Variants in KMT2C observed in about 807,000 individuals in gnomAD.
KMT2C encodes the protein histone-lysine N-methyltransferase 2C.
A neutral mutation model predicts 507.9 loss-of-function variants in KMT2C; 88 were observed. That is an observed-to-expected ratio of 0.17 (90% CI 0.15 to 0.21). The LOEUF (loss-of-function observed/expected upper bound fraction) is 0.21. Among genes scored for constraint, KMT2C ranks in the 10% least tolerant of loss-of-function variants. The probability of loss-of-function intolerance (pLI) is 1.00; values close to 1 mark genes in which losing one functional copy is unlikely to be tolerated. For synonymous variants in KMT2C, 2,049 were observed against 2,080.8 expected, an observed-to-expected ratio of 0.98 and a Z score of 0.42; for missense variants, 4,954 against 5,957.8, an observed-to-expected ratio of 0.83 and a Z score of 5.55.
At position 152,222,037 on chromosome 7, in the gene KMT2C, G is replaced by C. The variant is rs2129146604; in HGVS notation, c.3463C>G (p.Leu1155Val). ...ACTTTTGTGACAATTTGTGCTACAA[G>C]TGAAGATTCACAGCAGTCTGAGGAA... ...VPSSDCCESSLVAQIVTKVKE... is the reference protein window; with the variant it reads ...VPSSDCCESSVVAQIVTKVKE... The change falls in exon 22 of 59, where the codon CTT (leucine) becomes GTT (valine). Residue 1155 changes from leucine to valine, a missense_variant. Physicochemically the swap from Leu to Val is conservative, Grantham distance 32. Around this residue, in one of 29 missense-constraint regions of KMT2C, gnomAD observed 176 missense variants for 262.0 expected, o/e 0.67. Transcript: ENST00000262189. 6.2e-7 allele frequency: 1 copy of C among 1,604,078 alleles called. No individual in the cohort carries two copies. The highest frequency in any genetic ancestry group is 8.5e-7 in the Non-Finnish European group (1 of 1,176,040).
At chr7:152,210,366 A>G (rs1307782432) in intron 23 of KMT2C, among the ~76,000 whole-genome samples, 2 of 152,216 alleles carry the variant, frequency 1.3e-5, no homozygotes, top group African/African-American at 4.8e-5. Flanking sequence ...AAAAATAAAA[A>G]TACTATCTAT....
chr7:152,218,869 T>G (rs1162983124), intron 23 of KMT2C, among the ~76,000 whole-genome samples: 1 of 152,164 alleles, frequency 6.6e-6, no homozygotes, highest in Admixed American at 6.6e-5. Context: ...GATGCTCTTC[T>G]CTCAGGTAAT....
chr7:152,376,980 T>G (rs2097333265), intron 1 of KMT2C, among the ~76,000 whole-genome samples: 1 of 151,522 alleles, frequency 6.6e-6, no homozygotes. Context: ...AGCCCAGGAG[T>G]TCAAGGCCAG....
intron 6 of KMT2C, among the ~76,000 whole-genome samples, chr7:152,301,367 G>A (rs1314627364): frequency 6.6e-6 from 1 of 151,678 alleles, no homozygotes; most frequent in African/African-American, 2.4e-5. Context: ...ATATTCGCTG[G>A]GCATGGTGGT....
At chr7:152,284,364 CT>C (rs2096264988) in intron 6 of KMT2C, among the ~76,000 whole-genome samples, 1 of 152,034 alleles carries the variant, frequency 6.6e-6, no homozygotes, top group African/African-American at 2.4e-5. Context: ...AATAAATAGT[CT>C]TTTAGAATGA....
At chr7:152,413,410 G>A (rs1735710932) in intron 1 of KMT2C, among the ~76,000 whole-genome samples, 1 of 152,030 alleles carries the variant, frequency 6.6e-6, no homozygotes, top group South Asian at 2.1e-4. Flanking sequence ...ACTGCGCCCA[G>A]CCACAAAATT....
At chr7:152,373,835 G>C (rs1295629971) in intron 1 of KMT2C, among the ~76,000 whole-genome samples, 1 of 152,024 alleles carries the variant, frequency 6.6e-6, no homozygotes, top group Non-Finnish European at 1.5e-5. Flanking sequence ...CTCTACTTAT[G>C]AACATAAAGG....
intron 1 of KMT2C, among the ~76,000 whole-genome samples, chr7:152,375,265 C>T (rs2097319672): frequency 6.6e-6 from 1 of 152,058 alleles, no homozygotes; most frequent in African/African-American, 2.4e-5. Flanking sequence ...TGGTCTCAAA[C>T]TCCTGACCTC....
Position 152,188,558 on chromosome 7 carries a change from C to A in KMT2C, c.4661-711G>T, listed in dbSNP as rs564850439. On this transcript the variant is annotated intron_variant, in intron 31 of 58. Transcript: ENST00000262189. Reference sequence around the variant, plus strand: ...AAACAGATGTTTCTTATATTTTATTCCTGTTCCTCTTAATACCAAAAAAAA... The same window carrying A: ...AAACAGATGTTTCTTATATTTTATTACTGTTCCTCTTAATACCAAAAAAAA... Among the ~76,000 whole-genome samples, 6 of 146,996 alleles carry A rather than the reference C, an allele frequency of 4.1e-5. No homozygotes were observed. In the East Asian group the frequency reaches 9.8e-4, roughly 24 times the overall value.
At chr7:152,278,468 G>A (rs2096131510) in intron 6 of KMT2C, among the ~76,000 whole-genome samples, 1 of 152,238 alleles carries the variant, frequency 6.6e-6, no homozygotes, top group Non-Finnish European at 1.5e-5. Flanking sequence ...ACTTCTTGAA[G>A]CCCTCACCAG....
At chr7:152,190,637 A>C (rs1361921869) in intron 31 of KMT2C, among the ~76,000 whole-genome samples, 1 of 152,100 alleles carries the variant, frequency 6.6e-6, no homozygotes, top group African/African-American at 2.4e-5. Context: ...TAGTCATATT[A>C]GTTTATAAAA....
intron 16 of KMT2C, among the ~76,000 whole-genome samples, chr7:152,233,932 C>A (rs1391510435): frequency 6.6e-6 from 1 of 152,026 alleles, no homozygotes; most frequent in Non-Finnish European, 1.5e-5. Context: ...GCCAGGAGTT[C>A]GAGACCAGCC....
intron 9 of KMT2C, among the ~76,000 whole-genome samples, chr7:152,261,608 G>A (rs1412439546): frequency 1.3e-5 from 2 of 151,934 alleles, no homozygotes; most frequent in East Asian, 1.9e-4. Flanking sequence ...AAAGATATTC[G>A]GTAAGGTATA....
chr7:152,320,919 A>C (rs183704142), intron 3 of KMT2C, among the ~76,000 whole-genome samples: 7 of 152,128 alleles, frequency 4.6e-5, no homozygotes, highest in Admixed American at 3.9e-4. Flanking sequence ...TAAAACTAAA[A>C]ATGTATAATA....
chr7:152,221,265 C>CT (rs2094760966), intron 22 of KMT2C, among the ~76,000 whole-genome samples: 1 of 152,114 alleles, frequency 6.6e-6, no homozygotes. Context: ...TCAAAAAAGT[C>CT]TTCCTGGAAT....
At chr7:152,268,067 G>T (rs1436420715) in intron 7 of KMT2C, among the ~76,000 whole-genome samples, 7 of 151,698 alleles carry the variant, frequency 4.6e-5, no homozygotes, top group Admixed American at 2.6e-4. Flanking sequence ...ATCACTTGAG[G>T]TCAGGAGCTC....
chr7:152,399,699 C>T (rs568978524), intron 1 of KMT2C, among the ~76,000 whole-genome samples: 1 of 151,086 alleles, frequency 6.6e-6, no homozygotes, highest in African/African-American at 2.4e-5. Flanking sequence ...ACAAAAATTA[C>T]AATAGAGTTG....
At chr7:152,206,101 T>A (rs1453537944) in intron 24 of KMT2C, among the ~76,000 whole-genome samples, 2 of 151,868 alleles carry the variant, frequency 1.3e-5, no homozygotes, top group Non-Finnish European at 2.9e-5. Context: ...AAAAAGGGGG[T>A]GAGGCAAAGC....
At chr7:152,188,868 C>CA (rs993310873) in intron 31 of KMT2C, among the ~76,000 whole-genome samples, 38 of 152,196 alleles carry the variant, frequency 2.5e-4, no homozygotes, top group African/African-American at 8.7e-4. Flanking sequence ...CTCAGCCTCC[C>CA]AAAGTGCTGG....
Sources: allele counts gnomAD v4.1 joint callset (sites outside exome capture counted in the v4.1 genomes callset), GRCh38; gene constraint gnomAD v4.1.1; regional missense constraint gnomAD v4.1.1; transcripts MANE v1.5; gene names NCBI Gene and HGNC (gene_info 2026-07-23, HGNC 2026-07-21).